Variants in NEK11 observed in about 807,000 individuals in gnomAD.
NEK11 encodes the protein NIMA related kinase 11, also known as serine/threonine-protein kinase Nek11.
In NEK11, 72 loss-of-function variants were observed where a neutral mutation model predicts 80.7. The ratio of observed to expected loss-of-function variants is 0.89; its 90% CI spans 0.74 to 1.08. The LOEUF is 1.08. Ranked by LOEUF, NEK11 falls within the 50% of genes least tolerant of loss-of-function variation. The pLI, the probability that NEK11 is intolerant of heterozygous loss-of-function variation, is 0.00. For missense variants in NEK11, 764 were observed against 763.6 expected, an observed-to-expected ratio of 1.00 and a Z score of -0.01; for synonymous variants, 251 against 260.7, an observed-to-expected ratio of 0.96 and a Z score of 0.36.
At chr3:131,055,077 C>A (rs1393232273) in intron 3 of NEK11, among the ~76,000 whole-genome samples, 1 of 152,118 alleles carries the variant, frequency 6.6e-6, no homozygotes, top group Non-Finnish European at 1.5e-5. Context: ...GCAAGAGAGC[C>A]TTGATGTCTT....
chr3:131,282,870 T>G (rs1163771064), intron 17 of NEK11, among the ~76,000 whole-genome samples: 1 of 152,140 alleles, frequency 6.6e-6, no homozygotes, highest in Non-Finnish European at 1.5e-5. Context: ...GGTAGTAACA[T>G]GAAGTTTATA....
rs189652721 is a variant in NEK11 at position 131,149,094 on chromosome 3, A to G, written c.648-3294A>G. 4.9e-4 allele frequency among the ~76,000 whole-genome samples: 74 copies of G among 152,066 alleles called. 1 individual carries two copies. The highest frequency in any genetic ancestry group is 1.5e-3 in the African/African-American group (64 of 41,528). The stretch of plus-strand genomic sequence containing the variant: ...TTTATTTGTTTGCTTATAGTTTGTT[A>G]CAGCAACCGCCTTCTTTATTTTTAT... On this transcript the variant is annotated intron_variant, in intron 7 of 17. Transcript: ENST00000383366.
intron 4 of NEK11, among the ~76,000 whole-genome samples, chr3:131,091,224 T>C (rs539913659): frequency 6.6e-6 from 1 of 152,362 alleles, no homozygotes; most frequent in African/African-American, 2.4e-5. Flanking sequence ...CACATAGCCC[T>C]TGCTTAATGC....
intron 13 of NEK11, among the ~76,000 whole-genome samples, chr3:131,169,208 C>T (rs1560764042): frequency 6.6e-6 from 1 of 152,150 alleles, no homozygotes; most frequent in African/African-American, 2.4e-5. Context: ...CTCCCCCTTG[C>T]CCATATACAT....
chr3:131,333,660 G>A (rs1191381553), intron 17 of NEK11, among the ~76,000 whole-genome samples: 1 of 152,090 alleles, frequency 6.6e-6, no homozygotes, highest in Admixed American at 6.5e-5. Flanking sequence ...CCAATTAAAA[G>A]ACACAGACTG....
Position 131,350,004 on chromosome 3 carries a change from T to C in NEK11, c.*228T>C, listed in dbSNP as rs2097429122. The C allele has an allele frequency of 2.0e-6, 1 of 507,542 alleles. No individual in the cohort carries two copies. The highest frequency in any genetic ancestry group is 3.5e-6 in the Non-Finnish European group (1 of 284,586). 31.4% of individuals were successfully genotyped at this position (507,542 alleles called of 1,614,324 possible). A position where few individuals can be genotyped will look rare whatever the true frequency, so the allele number is the denominator to read the frequency against. ...CTATACCCTGAGATAAGCTTATAGA[T>C]CAAGTTTGGCTCCCTTGAAAAGCAT... On this transcript the variant is annotated 3_prime_UTR_variant, in exon 18 of 18. Coordinates refer to ENST00000383366, the MANE Select transcript of NEK11 (RefSeq NM_024800.5).
chr3:131,217,539 T>C (rs1172655561), intron 14 of NEK11, among the ~76,000 whole-genome samples: 1 of 152,200 alleles, frequency 6.6e-6, no homozygotes, highest in Non-Finnish European at 1.5e-5. Context: ...CCTTAGGCAA[T>C]TTTGTCATTG....
chr3:131,129,662 A>C (rs1346938320), intron 5 of NEK11, among the ~76,000 whole-genome samples: 2 of 152,230 alleles, frequency 1.3e-5, no homozygotes, highest in African/African-American at 4.8e-5. Context: ...CATCTATTGT[A>C]TATGAATGCC....
intron 14 of NEK11, among the ~76,000 whole-genome samples, chr3:131,198,101 T>C (rs555149034): frequency 6.6e-5 from 10 of 152,262 alleles, no homozygotes; most frequent in Admixed American, 1.3e-4. Context: ...TATTTACCCT[T>C]TTTTCCTTCT....
rs1560477493 is a variant in NEK11 at position 131,115,966 on chromosome 3, C to CTTTCTTTCTTTCTTTCTTTCTTTCTT, written c.455+6068_455+6069insCTTTTTCTTTCTTTCTTTCTTTCTTT. 1.1e-4 allele frequency among the ~76,000 whole-genome samples: 15 copies of CTTTCTTTCTTTCTTTCTTTCTTTCTT among 140,944 alleles called. 1 individual carries two copies. The highest frequency in any genetic ancestry group is 1.7e-4 in the Non-Finnish European group (11 of 64,660). The allele number at this position is 140,944 out of a possible 152,430, so 92.5% of individuals were successfully genotyped here. A position where few individuals can be genotyped will look rare whatever the true frequency, so the allele number is the denominator to read the frequency against. On this transcript the variant is annotated intron_variant, in intron 5 of 17. Transcript: ENST00000383366. ...TCTTTCTTTCTTTCTTTCTTTCTTT[C>CTTTCTTTCTTTCTTTCTTTCTTTCTT]TTTCTTTCTTTCTTTCTTTCTTTAT...
At chr3:131,030,464 A>G (rs1052396034) in intron 3 of NEK11, among the ~76,000 whole-genome samples, 2 of 152,200 alleles carry the variant, frequency 1.3e-5, no homozygotes, top group Non-Finnish European at 2.9e-5. Context: ...TATTACTTCC[A>G]CTTAACTTGA....
At chr3:131,295,761 T>A (rs1017072035) in intron 17 of NEK11, among the ~76,000 whole-genome samples, 51 of 152,226 alleles carry the variant, frequency 3.4e-4, no homozygotes, top group African/African-American at 1.2e-3. Flanking sequence ...TTCTAACATA[T>A]CAGTTATACT....
At chr3:131,033,101 T>G (rs2065115850) in intron 3 of NEK11, among the ~76,000 whole-genome samples, 1 of 152,182 alleles carries the variant, frequency 6.6e-6, no homozygotes, top group South Asian at 2.1e-4. Context: ...AATAAATTGG[T>G]TCTCAGAATG....
At chr3:131,258,064 A>G (rs1051818196) in intron 16 of NEK11, among the ~76,000 whole-genome samples, 2 of 151,968 alleles carry the variant, frequency 1.3e-5, no homozygotes, top group East Asian at 3.9e-4. Flanking sequence ...GAAGTAACTC[A>G]GGAATGGAAA....
intron 14 of NEK11, among the ~76,000 whole-genome samples, chr3:131,181,514 A>G (rs928476567): frequency 6.6e-6 from 1 of 152,170 alleles, no homozygotes; most frequent in African/African-American, 2.4e-5. Flanking sequence ...TGGGAGGCCA[A>G]GGCGGGCAGA....
intron 17 of NEK11, among the ~76,000 whole-genome samples, chr3:131,302,217 T>C (rs2096669033): frequency 6.6e-6 from 1 of 152,158 alleles, no homozygotes; most frequent in African/African-American, 2.4e-5. Flanking sequence ...CGATTTGTTA[T>C]TTCTAATTGT....
At chr3:131,186,423 C>T (rs2093603802) in intron 14 of NEK11, among the ~76,000 whole-genome samples, 1 of 152,082 alleles carries the variant, frequency 6.6e-6, no homozygotes, top group African/African-American at 2.4e-5. Context: ...AGCCAAGGCC[C>T]TACAAATGTG....
At chr3:131,181,515 G>A (rs1488775443) in intron 14 of NEK11, among the ~76,000 whole-genome samples, 4 of 152,136 alleles carry the variant, frequency 2.6e-5, no homozygotes, top group African/African-American at 9.7e-5. Flanking sequence ...GGGAGGCCAA[G>A]GCGGGCAGAT....
chr3:131,069,867 A>G (rs1275395088), intron 3 of NEK11, among the ~76,000 whole-genome samples: 2 of 151,298 alleles, frequency 1.3e-5, no homozygotes, highest in African/African-American at 4.9e-5. Flanking sequence ...TGGGAGATAT[A>G]CCTAATGCTA....
Sources: gnomAD v4.1 joint callset for allele counts (sites outside exome capture counted in the v4.1 genomes callset) on GRCh38, gnomAD v4.1.1 for gene constraint, MANE v1.5 for transcripts, NCBI Gene and HGNC (gene_info 2026-07-23, HGNC 2026-07-21) for gene names.